The following L3MBTL4 variants were observed in gnomAD, a reference collection of about 807,000 sequenced individuals.
The protein encoded by L3MBTL4 is L3MBTL histone methyl-lysine binding protein 4.
Under a neutral mutation model 84.5 loss-of-function variants are expected in L3MBTL4, and 70 were observed. That is an observed-to-expected ratio of 0.83 (90% CI 0.68 to 1.01). The LOEUF (loss-of-function observed/expected upper bound fraction) is 1.01. Ranked by LOEUF, L3MBTL4 falls within the 50% of genes least tolerant of loss-of-function variation. L3MBTL4 has a pLI of 0.00. For synonymous variants in L3MBTL4, 274 were observed against 259.8 expected, an observed-to-expected ratio of 1.05 and a Z score of -0.52; for missense variants, 715 against 754.8, an observed-to-expected ratio of 0.95 and a Z score of 0.62.
At chr18:6,200,728 A>G (rs912253277) in intron 12 of L3MBTL4, among the ~76,000 whole-genome samples, 3 of 152,242 alleles carry the variant, frequency 2.0e-5, no homozygotes, top group Admixed American at 2.0e-4. Flanking sequence ...TTATTCAAAT[A>G]TTATGTAATT....
intron 4 of L3MBTL4, among the ~76,000 whole-genome samples, chr18:6,295,497 T>C (rs2050071000): frequency 6.6e-6 from 1 of 151,950 alleles, no homozygotes; most frequent in Non-Finnish European, 1.5e-5. Flanking sequence ...AGCATCTTTA[T>C]TCCCAGCACG....
At chr18:6,029,344 G>A (rs1262971268) in intron 16 of L3MBTL4, 3 of 586,128 alleles carry the variant, frequency 5.1e-6, no homozygotes, top group African/African-American at 4.1e-5. Flanking sequence ...AGTTCAAGGG[G>A]AAAATTAGAA....
At position 6,013,218 on chromosome 18, in the gene L3MBTL4, C is replaced by A. The variant is rs1249002564; in HGVS notation, c.1445-43656G>T. Among the ~76,000 whole-genome samples the A allele has an allele frequency of 5.3e-5, 8 of 152,270 alleles. No individual in the cohort carries two copies. The East Asian group carries it at 1.2e-3, about 22-fold the overall frequency. On this transcript the variant is annotated intron_variant, in intron 16 of 18. Coordinates refer to ENST00000317931, the MANE Select transcript of L3MBTL4 (RefSeq NM_001330559.2). ...CTAGAGGCAGGCACTGGCAGGTGAA[C>A]CCCAGCCCCGCTGGCAATGGGAGGC... is the stretch of plus-strand genomic sequence containing the variant.
intron 1 of L3MBTL4, among the ~76,000 whole-genome samples, chr18:6,315,319 AAT>A (rs1456700363): frequency 3.3e-5 from 5 of 152,220 alleles, no homozygotes; most frequent in Admixed American, 6.5e-5. Context: ...AATAATTCAT[AAT>A]GTTTGAATAA....
chr18:6,236,587 A>G (rs2047225141), intron 10 of L3MBTL4, among the ~76,000 whole-genome samples: 1 of 152,136 alleles, frequency 6.6e-6, no homozygotes, highest in Non-Finnish European at 1.5e-5. Context: ...AGGCACACCA[A>G]CTCAAACCAC....
At chr18:6,329,157 T>C (rs416315) in intron 1 of L3MBTL4, among the ~76,000 whole-genome samples, 6,027 of 131,914 alleles carry the variant, frequency 0.046, 155 homozygotes, top group East Asian at 0.11. Context: ...TTTTCTTTTT[T>C]TTTTTTTTTT....
chr18:6,359,328 C>T (rs1333847436), intron 1 of L3MBTL4, among the ~76,000 whole-genome samples: 1 of 152,046 alleles, frequency 6.6e-6, no homozygotes, highest in Non-Finnish European at 1.5e-5. Flanking sequence ...GCCTGTAATC[C>T]CAGCTATTTG....
chr18:6,209,946 T>C (rs1434902739), intron 12 of L3MBTL4, among the ~76,000 whole-genome samples: 1 of 152,164 alleles, frequency 6.6e-6, no homozygotes, highest in East Asian at 1.9e-4. Flanking sequence ...GACAAATCCA[T>C]AGACACTATG....
chr18:6,087,678 G>A (rs2058303090), intron 15 of L3MBTL4, among the ~76,000 whole-genome samples: 1 of 152,132 alleles, frequency 6.6e-6, no homozygotes, highest in African/African-American at 2.4e-5. Context: ...AATAAATAAA[G>A]GTCTAAATTC....
chr18:6,259,424 A>C (rs1169911948), intron 5 of L3MBTL4: 1 of 152,000 alleles, frequency 6.6e-6, no homozygotes, highest in Non-Finnish European at 1.5e-5. Flanking sequence ...CTTGTGTGAG[A>C]TGGTATCTCG....
At position 6,035,874 on chromosome 18, in the gene L3MBTL4, T is replaced by A. The variant is rs560278613; in HGVS notation, c.1444+45007A>T. The stretch of plus-strand genomic sequence containing the variant: ...CAAAATTGACACCCTAACATCACAA[T>A]TAAAAGAACTAGAAAAGCAAGAGCA... On this transcript the variant is annotated intron_variant, in intron 16 of 18. Coordinates refer to ENST00000317931, the MANE Select transcript of L3MBTL4 (RefSeq NM_001330559.2). Among the ~76,000 whole-genome samples the A allele has an allele frequency of 2.0e-5, 3 of 152,182 alleles. No homozygotes were observed. In the South Asian group the frequency reaches 6.2e-4, roughly 32 times the overall value.
chr18:6,285,933 G>A (rs1303978656), intron 4 of L3MBTL4, among the ~76,000 whole-genome samples: 1 of 151,452 alleles, frequency 6.6e-6, no homozygotes, highest in Non-Finnish European at 1.5e-5. Flanking sequence ...CCGGGTTCAA[G>A]CGATTCTTCT....
chr18:6,270,348 C>T (rs1396181808), intron 4 of L3MBTL4, among the ~76,000 whole-genome samples: 3 of 152,172 alleles, frequency 2.0e-5, no homozygotes, highest in Non-Finnish European at 1.5e-5. Context: ...TCATGTAGTG[C>T]TCGTCTCCCC....
intron 1 of L3MBTL4, among the ~76,000 whole-genome samples, chr18:6,369,401 C>T (rs2054067279): frequency 6.6e-6 from 1 of 152,164 alleles, no homozygotes; most frequent in South Asian, 2.1e-4. Context: ...TGCTGTTAAA[C>T]ATCCCACAAT....
At chr18:6,415,200 C>A (rs1438991831), upstream of L3MBTL4, 1 of 152,306 alleles carries the variant, frequency 6.6e-6, no homozygotes, top group Admixed American at 6.5e-5. Context: ...CCCAGTAGCT[C>A]ACCCATGCTT....
At chr18:6,024,083 G>A (rs137932000) in intron 16 of L3MBTL4, among the ~76,000 whole-genome samples, 227 of 152,108 alleles carry the variant, frequency 1.5e-3, no homozygotes, top group African/African-American at 5.2e-3. Flanking sequence ...CACCATGTTG[G>A]CCAGGCTGGT....
chr18:6,334,455 T>TA (rs910366086), intron 1 of L3MBTL4, among the ~76,000 whole-genome samples: 14 of 151,938 alleles, frequency 9.2e-5, no homozygotes, highest in Non-Finnish European at 1.9e-4. Flanking sequence ...AAAGTTTTTT[T>TA]AAAAAAAGTC....
chr18:6,207,699 G>C (rs2045931074), intron 12 of L3MBTL4, among the ~76,000 whole-genome samples: 1 of 152,150 alleles, frequency 6.6e-6, no homozygotes, highest in South Asian at 2.1e-4. Context: ...AATGAAGACA[G>C]CCATCAATCA....
At chr18:5,964,359 G>A (rs1287400950) in intron 17 of L3MBTL4, among the ~76,000 whole-genome samples, 2 of 152,156 alleles carry the variant, frequency 1.3e-5, no homozygotes, top group Admixed American at 6.5e-5. Flanking sequence ...ATGTTCTTCC[G>A]TGGGGCTGCC....
Sources: allele counts gnomAD v4.1 joint callset (sites outside exome capture counted in the v4.1 genomes callset), GRCh38; gene constraint gnomAD v4.1.1; transcripts MANE v1.5; gene names NCBI Gene and HGNC (gene_info 2026-07-23, HGNC 2026-07-21).